The following UGT1A9 variants were observed in gnomAD, a reference collection of about 807,000 sequenced individuals.
UGT1A9 encodes UDP-glucuronosyltransferase 1A9.
UGT1A9 carries 35 observed loss-of-function variants against 45.0 expected under a neutral mutation model. The ratio of observed to expected loss-of-function variants is 0.78; its 90% CI spans 0.59 to 1.03. The LOEUF (loss-of-function observed/expected upper bound fraction) is 1.03, where lower values mean the gene tolerates loss of function less well. UGT1A9 is among the 50% of genes least tolerant of loss of function. The pLI, the probability that UGT1A9 is intolerant of heterozygous loss-of-function variation, is 0.00. For missense variants in UGT1A9, 687 were observed against 666.6 expected (o/e 1.03, Z -0.34); for synonymous variants, 278 against 250.6 (o/e 1.11, Z -1.03).
intron 1 of UGT1A9, chr2:233,690,452 A>G: frequency 3.9e-6 from 5 of 1,287,814 alleles, no homozygotes; most frequent in Non-Finnish European, 5.1e-6. Flanking sequence ...TCTATTCAAA[A>G]TGCCAGCTAT....
chr2:233,729,846 G>T, intron 1 of UGT1A9: 1 of 1,613,888 alleles, frequency 6.2e-7, no homozygotes, highest in Admixed American at 1.7e-5. Context: ...AGCTTTTTCA[G>T]AGAGAGGTGT....
chr2:233,760,764 C>T lies in UGT1A9; in HGVS notation c.856-6270C>T, dbSNP rs199766420. 1.0e-4 allele frequency: 164 copies of T among 1,614,088 alleles called. 1 individual carries two copies. The Middle Eastern group carries it at 2.1e-3, about 21-fold the overall frequency. ...ACCCTTTCCTTCCTTGCAGCCCCATCGTGGCCCAGTACCTGTCTCTGCCCA... is the reference window on the plus strand; with the variant it reads ...ACCCTTTCCTTCCTTGCAGCCCCATTGTGGCCCAGTACCTGTCTCTGCCCA... On this transcript the variant is annotated intron_variant, in intron 1 of 4. Transcript: ENST00000354728.
intron 1 of UGT1A9, among the ~76,000 whole-genome samples, chr2:233,762,329 A>G (rs1333390558): frequency 6.6e-6 from 1 of 152,248 alleles, no homozygotes; most frequent in Non-Finnish European, 1.5e-5. Flanking sequence ...GTAATCCACA[A>G]TAGCTCTTTT....
intron 1 of UGT1A9, chr2:233,739,012 T>A (rs1690960444): frequency 6.6e-6 from 1 of 152,230 alleles, no homozygotes; most frequent in Admixed American, 6.5e-5. Context: ...TCCCAGTGGC[T>A]CCAGCCATGG....
At chr2:233,747,373 G>C in intron 1 of UGT1A9, 1 of 1,604,624 alleles carries the variant, frequency 6.2e-7, no homozygotes, top group South Asian at 1.1e-5. Flanking sequence ...CTCCATGCCA[G>C]AGGCCACCAG....
intron 1 of UGT1A9, among the ~76,000 whole-genome samples, chr2:233,681,074 G>C (rs952494823): frequency 1.3e-5 from 2 of 151,768 alleles, no homozygotes; most frequent in African/African-American, 4.8e-5. Flanking sequence ...TGTCACAATT[G>C]TGGCTCACCT....
intron 1 of UGT1A9, chr2:233,755,162 G>C: frequency 2.3e-6 from 3 of 1,279,936 alleles, no homozygotes; most frequent in Non-Finnish European, 3.2e-6. Context: ...CCCTGTCCTC[G>C]GGGTTTTTGT....
intron 1 of UGT1A9, among the ~76,000 whole-genome samples, chr2:233,732,853 A>C (rs1238557082): frequency 6.7e-6 from 1 of 149,098 alleles, no homozygotes; most frequent in Non-Finnish European, 1.5e-5. Context: ...TTGTGAAGTC[A>C]TTGGTAGCTT....
At chr2:233,772,063 T>A (rs1007747764) in intron 4 of UGT1A9, among the ~76,000 whole-genome samples, 199 bp from the exon 5 acceptor site, 9 of 152,136 alleles carry the variant, frequency 5.9e-5, no homozygotes, top group Non-Finnish European at 1.2e-4. Context: ...CAGTTAGCCA[T>A]GCTTGTGCCA....
chr2:233,757,994 T>C (rs1233482965), intron 1 of UGT1A9, among the ~76,000 whole-genome samples: 1 of 152,092 alleles, frequency 6.6e-6, no homozygotes, highest in Non-Finnish European at 1.5e-5. Context: ...TCCCCTGTAA[T>C]TGCCTGGTCA....
chr2:233,733,388 G>A (rs1393287938), intron 1 of UGT1A9, among the ~76,000 whole-genome samples: 2 of 152,180 alleles, frequency 1.3e-5, no homozygotes. Flanking sequence ...TTTTGTGCCA[G>A]TTTTCAAAGG....
chr2:233,765,344 A>G (rs1008293425), intron 1 of UGT1A9, among the ~76,000 whole-genome samples: 8 of 152,240 alleles, frequency 5.3e-5, no homozygotes, highest in Non-Finnish European at 1.0e-4. Flanking sequence ...TAACAAAGTC[A>G]TGGAACCAAC....
At chr2:233,701,951 A>C (rs1310876599) in intron 1 of UGT1A9, among the ~76,000 whole-genome samples, 1 of 152,230 alleles carries the variant, frequency 6.6e-6, no homozygotes, top group Non-Finnish European at 1.5e-5. Flanking sequence ...AAGCAAGAGC[A>C]AACACATTCA....
At chr2:233,690,981 C>T in intron 1 of UGT1A9, 5 of 997,484 alleles carry the variant, frequency 5.0e-6, no homozygotes, top group Non-Finnish European at 6.0e-6. Flanking sequence ...ACAGGACCCA[C>T]ATATGAGCAA....
At chr2:233,720,032 C>T (rs1386441803) in intron 1 of UGT1A9, among the ~76,000 whole-genome samples, 2 of 152,104 alleles carry the variant, frequency 1.3e-5, no homozygotes, top group Middle Eastern at 3.2e-3. Context: ...TTTTGCTTGC[C>T]TGATTTTCAG....
chr2:233,697,076 G>T (rs2075374196), intron 1 of UGT1A9, among the ~76,000 whole-genome samples: 1 of 151,938 alleles, frequency 6.6e-6, no homozygotes, highest in African/African-American at 2.4e-5. Context: ...TTGGTATCAG[G>T]GTAACACTGG....
Position 233,714,266 on chromosome 2 carries a change from G to T in UGT1A9, c.855+41477G>T, listed in dbSNP as rs374255632. On this transcript the variant is annotated intron_variant, in intron 1 of 4. Transcript: ENST00000354728. Reference sequence around the variant, plus strand: ...GAGGAAGGAATAGAAATTTACAATTGTTGACGTGACAATTTTTAGTGGTCC... The same window carrying T: ...GAGGAAGGAATAGAAATTTACAATTTTTGACGTGACAATTTTTAGTGGTCC... Among the ~76,000 whole-genome samples the T allele has an allele frequency of 7.9e-5, 12 of 152,326 alleles. No homozygotes were observed. In the East Asian group the frequency reaches 2.3e-3, roughly 29 times the overall value.
intron 1 of UGT1A9, among the ~76,000 whole-genome samples, chr2:233,714,210 C>T (rs368814917): frequency 6.6e-4 from 100 of 152,248 alleles, no homozygotes; most frequent in African/African-American, 2.3e-3. Context: ...CTGATCCATC[C>T]AATCTTGCTG....
At chr2:233,760,997 T>A in intron 1 of UGT1A9, 2 of 1,614,168 alleles carry the variant, frequency 1.2e-6, no homozygotes, top group South Asian at 2.2e-5. Flanking sequence ...GCCTCAGAAT[T>A]CCTTCAGAGA....
Sources: allele counts gnomAD v4.1 joint callset (sites outside exome capture counted in the v4.1 genomes callset), GRCh38; gene constraint gnomAD v4.1.1; transcripts MANE v1.5; gene names NCBI Gene and HGNC (gene_info 2026-07-23, HGNC 2026-07-21).